Variants in CROCC observed in about 807,000 individuals in gnomAD.
CROCC encodes ciliary rootlet coiled-coil, rootletin, also known as rootletin.
CROCC carries 180 observed loss-of-function variants against 245.2 expected under a neutral mutation model. The observed-to-expected ratio is 0.73, with a 90% confidence interval of 0.65 to 0.83. The LOEUF is 0.83. Among genes scored for constraint, CROCC ranks in the 40% least tolerant of loss-of-function variants. CROCC has a pLI of 0.00. For missense variants in CROCC, 2,688 were observed against 2,779.4 expected (o/e 0.97, Z 0.74); for synonymous variants, 1,205 against 1,241.6 (o/e 0.97, Z 0.62).
Position 16,971,325 on chromosome 1 carries a change from A to C in CROCC, c.5785-140A>C, listed in dbSNP as rs887636653. 5 of 1,296,778 alleles carry C rather than the reference A, an allele frequency of 3.9e-6. No individual in the cohort carries two copies. The East Asian group carries it at 8.3e-5, about 21-fold the overall frequency. The allele number at this position is 1,296,778 out of a possible 1,614,324, so 80.3% of individuals were successfully genotyped here. The stretch of plus-strand genomic sequence containing the variant: ...TCGCAGGCTCACTGTCAGGGCCAGC[A>C]GGATGGAAGACACACAAGGATCTCT... On this transcript the variant is annotated intron_variant, in intron 35 of 36. Coordinates refer to ENST00000375541, the MANE Select transcript of CROCC (RefSeq NM_014675.5).
At chr1:16,914,284 G>T (rs1424855577) in intron 1 of CROCC, among the ~76,000 whole-genome samples, 1 of 152,178 alleles carries the variant, frequency 6.6e-6, no homozygotes. Flanking sequence ...GGCACCGGAG[G>T]CCAGGAGAGC....
intron 3 of CROCC, among the ~76,000 whole-genome samples, chr1:16,926,046 C>A (rs767846375): frequency 1.6e-3 from 247 of 152,320 alleles, no homozygotes; most frequent in African/African-American, 5.4e-3. Context: ...GTAGCAGGTT[C>A]CTCCTCTGCT....
rs1379196542 is a variant in CROCC at position 16,965,868 on chromosome 1, G to A, written c.4551G>A (p.Glu1517=). The A allele has an allele frequency of 1.2e-6, 2 of 1,613,462 alleles. No homozygotes were observed. Among genetic ancestry groups the A allele is most frequent in the Non-Finnish European group, 1.7e-6 (2 of 1,179,988 alleles). ...VRGALREFLQ[E]LRSAQRERDE... ...GGGCCCTCCGGGAATTCCTGCAAGA[G>A]CTGCGGAGTGCCCAGAGAGAACGGG... The change falls in exon 28 of 37, where the codon GAG becomes GAA. Residue 1517 remains glutamate (E), a synonymous_variant. Transcript: ENST00000375541.
Position 16,972,348 on chromosome 1 carries a change from T to G in CROCC, c.5968-12T>G, listed in dbSNP as rs924609288. 5 of 1,613,008 alleles carry G rather than the reference T, an allele frequency of 3.1e-6. No homozygotes were observed. The highest frequency in any genetic ancestry group is 4.2e-6 in the Non-Finnish European group (5 of 1,179,214). On this transcript the variant is annotated splice_polypyrimidine_tract_variant and intron_variant, in intron 36 of 36. Coordinates refer to ENST00000375541, the MANE Select transcript of CROCC (RefSeq NM_014675.5). Reference sequence around the variant, plus strand: ...AGGACCTGGCTGGCCTTACCTTCCCTTTCTTCCCCAGGTGTCCACACTGAA... The same window carrying G: ...AGGACCTGGCTGGCCTTACCTTCCCGTTCTTCCCCAGGTGTCCACACTGAA...
Position 16,970,395 on chromosome 1 carries a change from A to AGC in CROCC, c.5597_5598dup (p.Ser1867AlafsTer11). On this transcript the variant is annotated frameshift_variant, in exon 34 of 37. Coordinates refer to ENST00000375541, the MANE Select transcript of CROCC (RefSeq NM_014675.5). LOFTEE classifies it high-confidence loss of function. ...CTGGAAGCTGAGAAGCGGGAGGTGG[A>AGC]GCGCTCAGCCCTGCGGCTGGAGAAG... 6.2e-7 allele frequency: 1 copy of AGC among 1,605,794 alleles called. No homozygotes were observed. Among genetic ancestry groups the AGC allele is most frequent in the Admixed American group, 1.7e-5 (1 of 59,152 alleles).
intron 3 of CROCC, 136 bp downstream of exon 3, chr1:16,924,615 G>T: frequency 8.4e-7 from 1 of 1,195,336 alleles, no homozygotes; most frequent in Non-Finnish European, 1.2e-6. Flanking sequence ...TTGAGGCTCT[G>T]CCACCTTGAG....
intron 27 of CROCC, among the ~76,000 whole-genome samples, chr1:16,962,274 G>A (rs1411307834): frequency 2.0e-5 from 3 of 151,172 alleles, no homozygotes; most frequent in Non-Finnish European, 4.4e-5. Flanking sequence ...GGCTGGGCGC[G>A]GTGGCTCATG....
rs1202932900 is a variant in CROCC, at chr1:16,972,476, G to A, written c.*30G>A. 1 of 1,570,466 alleles carries A rather than the reference G, an allele frequency of 6.4e-7. No individual in the cohort carries two copies. The highest frequency in any genetic ancestry group is 8.7e-7 in the Non-Finnish European group (1 of 1,144,800). On this transcript the variant is annotated 3_prime_UTR_variant, in exon 37 of 37. Coordinates refer to ENST00000375541, the MANE Select transcript of CROCC (RefSeq NM_014675.5). The stretch of plus-strand genomic sequence containing the variant: ...CTGCTGGCATCTGGAGAACACCCCT[G>A]TGCCTGGGACAGGGGAGGACCCTTC...
At position 16,970,361 on chromosome 1, in the gene CROCC, C is replaced by T; in HGVS notation, c.5560C>T (p.Leu1854=). The change falls in exon 34 of 37, where the codon CTG becomes TTG. Residue 1854 remains leucine, a synonymous_variant. Transcript: ENST00000375541. ...QERLGSLQRA[L]AQLEAEKREV... ...GCGCCTGGGAAGCCTGCAGCGCGCC[C>T]TGGCTCAGCTGGAAGCTGAGAAGCG... 6.3e-7 allele frequency: 1 copy of T among 1,597,942 alleles called. No individual in the cohort carries two copies.
At chr1:16,939,230 GTCC>G (rs2075866161) in intron 12 of CROCC, 88 bp downstream of exon 12, 250 of 1,171,064 alleles carry the variant, frequency 2.1e-4, no homozygotes, top group Middle Eastern at 5.9e-4. Flanking sequence ...GCGGGGGCAG[GTCC>G]GGGGCCAGGG....
intron 13 of CROCC, among the ~76,000 whole-genome samples, chr1:16,940,422 T>A (rs1296443405): frequency 4.1e-5 from 6 of 147,694 alleles, no homozygotes; most frequent in Non-Finnish European, 9.0e-5. Flanking sequence ...GGAGTTTCAC[T>A]GTGTGGCCCA....
chr1:16,928,289 C>A (rs1337092741), intron 3 of CROCC, among the ~76,000 whole-genome samples: 2 of 152,276 alleles, frequency 1.3e-5, no homozygotes, highest in Non-Finnish European at 2.9e-5. Flanking sequence ...TGCCCTGCTC[C>A]TCCCTCACCT....
At position 16,936,957 on chromosome 1, in the gene CROCC, C is replaced by T. The variant is rs1308951236; in HGVS notation, c.1193+84C>T. On this transcript the variant is annotated intron_variant, in intron 9 of 36. Transcript: ENST00000375541. ...AGTTGGGGAGAAGGGAGCATCTGTT[C>T]ACTAGGGGAAGGGCCTTCCTCTGTG... The T allele has an allele frequency of 2.9e-6, 4 of 1,386,244 alleles. No homozygotes were observed. The Admixed American group carries it at 7.4e-5, about 26-fold the overall frequency. The allele number at this position is 1,386,244 out of a possible 1,614,324, so 85.9% of individuals were successfully genotyped here.
intron 21 of CROCC, 93 bp downstream of exon 21, chr1:16,953,574 G>A (rs536946087): frequency 7.9e-7 from 1 of 1,265,282 alleles, no homozygotes; most frequent in South Asian, 1.5e-5. Flanking sequence ...TAGGAGCCCT[G>A]GGGCAGGCCA....
intron 9 of CROCC, among the ~76,000 whole-genome samples, chr1:16,937,106 G>A (rs1390935249): frequency 3.9e-5 from 6 of 152,372 alleles, no homozygotes; most frequent in African/African-American, 7.2e-5. Flanking sequence ...TGTAATCCCA[G>A]CACTTTGGGA....
chr1:16,962,962 A>G (rs909675052), intron 27 of CROCC, among the ~76,000 whole-genome samples: 8 of 151,310 alleles, frequency 5.3e-5, no homozygotes, highest in Non-Finnish European at 1.0e-4. Flanking sequence ...CGGGTGGATC[A>G]CTCGAGGCCA....
intron 36 of CROCC, 117 bp downstream of exon 36, chr1:16,971,764 G>A: frequency 1.8e-6 from 2 of 1,088,430 alleles, no homozygotes; most frequent in Non-Finnish European, 2.5e-6. Context: ...TAACCGAAAA[G>A]GGTGGGGTTG....
chr1:16,922,563 G>C, intron 1 of CROCC, 100 bp from the exon 2 acceptor site: 1 of 1,466,894 alleles, frequency 6.8e-7, no homozygotes, highest in Non-Finnish European at 9.1e-7. Flanking sequence ...GGGGCTCCTG[G>C]GGACCTGTAT....
At chr1:16,936,275 T>C (rs1440863958) in intron 8 of CROCC, among the ~76,000 whole-genome samples, 1 of 152,242 alleles carries the variant, frequency 6.6e-6, no homozygotes, top group Admixed American at 6.5e-5. Flanking sequence ...TTTTATTTTA[T>C]TATTTATTTT....
Sources: allele counts gnomAD v4.1 joint callset (sites outside exome capture counted in the v4.1 genomes callset), GRCh38; gene constraint gnomAD v4.1.1; transcripts MANE v1.5; gene names NCBI Gene and HGNC (gene_info 2026-07-23, HGNC 2026-07-21).